The following ANO5 variants were observed in gnomAD, a reference collection of about 807,000 sequenced individuals.
The protein encoded by ANO5 is anoctamin-5.
A neutral mutation model predicts 121.0 loss-of-function variants in ANO5; 109 were observed. The observed-to-expected ratio is 0.90, with a 90% CI of 0.77 to 1.06. The LOEUF (loss-of-function observed/expected upper bound fraction) is 1.06. ANO5 is among the 50% of genes least tolerant of loss of function. ANO5 has a pLI of 0.00. For missense variants in ANO5, 1,064 were observed against 1,078.5 expected (o/e 0.99, Z 0.19); for synonymous variants, 406 against 359.9 (o/e 1.13, Z -1.45).
chr11:22,259,498 T>C (rs932746202), intron 14 of ANO5, 21 bp from the exon 15 acceptor site: 29 of 1,597,822 alleles, frequency 1.8e-5, no homozygotes, highest in Non-Finnish European at 2.4e-5. Context: ...CAAATAGCAG[T>C]TCTTTGTTTT....
intron 9 of ANO5, among the ~76,000 whole-genome samples, chr11:22,248,769 G>A (rs1202197229): frequency 6.6e-6 from 1 of 151,870 alleles, no homozygotes; most frequent in Admixed American, 6.6e-5. Flanking sequence ...AACTAAGATT[G>A]TTGAAATATC....
chr11:22,262,898 C>T (rs750748477), intron 16 of ANO5, 48 bp from the exon 17 acceptor site: 3 of 1,436,768 alleles, frequency 2.1e-6, no homozygotes, highest in South Asian at 1.1e-5. Context: ...TGCAAAATTC[C>T]ATCTTTGATC....
upstream of ANO5, chr11:22,192,942 T>C (rs928879755): frequency 3.0e-4 from 286 of 960,652 alleles, no homozygotes; most frequent in Non-Finnish European, 3.4e-4. Flanking sequence ...GGGGCCAGCG[T>C]GGAGCCAGCC....
chr11:22,260,617 T>C (rs1854159272), intron 15 of ANO5, among the ~76,000 whole-genome samples: 1 of 152,148 alleles, frequency 6.6e-6, no homozygotes, highest in Admixed American at 6.6e-5. Context: ...ACCTAAAAAC[T>C]CACCATTTTC....
intron 10 of ANO5, 152 bp from the exon 11 acceptor site, chr11:22,250,589 A>G (rs1564936035): frequency 6.9e-6 from 7 of 1,019,964 alleles, no homozygotes; most frequent in Non-Finnish European, 1.0e-5. Context: ...TCTACTCCTC[A>G]AAGCATGACT....
chr11:22,273,667 T>C (rs1043827977), intron 19 of ANO5, among the ~76,000 whole-genome samples: 11 of 151,576 alleles, frequency 7.3e-5, no homozygotes, highest in Non-Finnish European at 1.3e-4. Context: ...TTGATAGTAG[T>C]AAAAAAGAAT....
chr11:22,200,867 AAGG>A (rs1851944895), intron 1 of ANO5, among the ~76,000 whole-genome samples: 2 of 152,124 alleles, frequency 1.3e-5, no homozygotes, highest in Non-Finnish European at 2.9e-5. Flanking sequence ...TATCACCTAG[AAGG>A]AGAAGTTGTA....
At chr11:22,215,568 TC>T (rs1405804852) in intron 3 of ANO5, among the ~76,000 whole-genome samples, 1 of 151,960 alleles carries the variant, frequency 6.6e-6, no homozygotes, top group African/African-American at 2.4e-5. Context: ...GATTAATATG[TC>T]CAAAATGTAA....
chr11:22,278,531 T>A (rs1176744424), intron 21 of ANO5, among the ~76,000 whole-genome samples: 1 of 106,432 alleles, frequency 9.4e-6, no homozygotes, highest in Non-Finnish European at 1.6e-5. Context: ...GTTCTTTTCC[T>A]TTTTTTTTTT....
At chr11:22,241,128 A>C (rs1853415868) in intron 9 of ANO5, among the ~76,000 whole-genome samples, 2 of 151,884 alleles carry the variant, frequency 1.3e-5, no homozygotes, top group Non-Finnish European at 2.9e-5. Context: ...CTGCCACCCA[A>C]GTAGTGAGCA....
chr11:22,211,129 T>C, intron 2 of ANO5, 135 bp from the exon 3 acceptor site: 1 of 940,856 alleles, frequency 1.1e-6, no homozygotes, highest in Non-Finnish European at 1.7e-6. Context: ...CCCACAGTTT[T>C]GCATATGATT....
intron 7 of ANO5, among the ~76,000 whole-genome samples, chr11:22,235,116 A>C (rs780221921): frequency 2.6e-5 from 4 of 152,084 alleles, no homozygotes; most frequent in African/African-American, 7.2e-5. Flanking sequence ...CTTTTGCAAT[A>C]ATTTTTTCAA....
At chr11:22,193,000 C>A (rs1010695136), upstream of ANO5, 2 of 985,068 alleles carry the variant, frequency 2.0e-6, no homozygotes, top group Non-Finnish European at 2.4e-6. Context: ...GGGCGCCGGC[C>A]GGTCTTGCGG....
chr11:22,225,286 G>C (rs1852786629), intron 5 of ANO5, among the ~76,000 whole-genome samples: 1 of 151,902 alleles, frequency 6.6e-6, no homozygotes, highest in Non-Finnish European at 1.5e-5. Flanking sequence ...ATGAGACACA[G>C]TCTCTATGAA....
chr11:22,255,646 T>C, intron 13 of ANO5, 124 bp downstream of exon 13: 1 of 1,129,456 alleles, frequency 8.9e-7, no homozygotes, highest in Non-Finnish European at 1.3e-6. Context: ...TCACATAAAC[T>C]TCTTTACTTG....
chr11:22,199,379 C>G (rs1282277581), intron 1 of ANO5, among the ~76,000 whole-genome samples: 1 of 152,080 alleles, frequency 6.6e-6, no homozygotes, highest in East Asian at 1.9e-4. Flanking sequence ...ATGTCATACT[C>G]TTGCAATGGA....
At position 22,239,680 on chromosome 11, in the gene ANO5, AT is replaced by A; in HGVS notation, c.876del (p.Lys293ArgfsTer27). 1.3e-6 allele frequency: 2 copies of A among 1,592,308 alleles called. No homozygotes were observed. Among genetic ancestry groups the A allele is most frequent in the Non-Finnish European group, 1.7e-6 (2 of 1,160,502 alleles). ...YFYKEQPLDL[I>X]KNYYGEKIGI... Reference sequence around the variant, plus strand: ...CTACAAGGAGCAGCCTTTAGACTTGATTAAGTAAGTTTCATACACAGGATCA... The same window carrying A: ...CTACAAGGAGCAGCCTTTAGACTTGATAAGTAAGTTTCATACACAGGATCA... On this transcript the variant is annotated frameshift_variant, in exon 9 of 22. Transcript: ENST00000324559. LOFTEE classifies it high-confidence loss of function.
At chr11:22,197,350 T>C (rs1226684413) in intron 1 of ANO5, among the ~76,000 whole-genome samples, 1 of 5,234 alleles carries the variant, frequency 1.9e-4, no homozygotes, top group Non-Finnish European at 4.6e-4. Flanking sequence ...GGAATTTAAC[T>C]TTTTTTTTTT....
Position 22,282,942 on chromosome 11 carries a change from G to A in ANO5, c.*3177G>A, listed in dbSNP as rs1015036350. 2.6e-5 allele frequency: 4 copies of A among 152,080 alleles called. No homozygotes were observed. The highest frequency in any genetic ancestry group is 9.7e-5 in the African/African-American group (4 of 41,416). 9.4% of individuals were successfully genotyped at this position (152,080 alleles called of 1,614,324 possible). On this transcript the variant is annotated 3_prime_UTR_variant, in exon 22 of 22. Coordinates refer to ENST00000324559, the MANE Select transcript of ANO5 (RefSeq NM_213599.3). Reference sequence around the variant, plus strand: ...GCATTGCAAAAAGTACCATTGGCCAGCCTTACAAGTCAGCCACAATGAGTC... The same window carrying A: ...GCATTGCAAAAAGTACCATTGGCCAACCTTACAAGTCAGCCACAATGAGTC...
Sources: allele counts gnomAD v4.1 joint callset (sites outside exome capture counted in the v4.1 genomes callset), GRCh38; gene constraint gnomAD v4.1.1; transcripts MANE v1.5; gene names NCBI Gene and HGNC (gene_info 2026-07-23, HGNC 2026-07-21).